The following PCDHGA8 variants were observed in gnomAD, a reference collection of about 807,000 sequenced individuals.
PCDHGA8 encodes protocadherin gamma-A8.
PCDHGA8 carries 45 observed loss-of-function variants against 59.2 expected under a neutral mutation model. That is an observed-to-expected ratio of 0.76 (90% CI 0.60 to 0.98). PCDHGA8 has a LOEUF of 0.98. Among genes scored for constraint, PCDHGA8 ranks in the 50% least tolerant of loss-of-function variants. The pLI is 0.00. For missense variants in PCDHGA8, 1,257 were observed against 1,196.2 expected, an observed-to-expected ratio of 1.05 and a Z score of -0.75; for synonymous variants, 531 against 519.0, an observed-to-expected ratio of 1.02 and a Z score of -0.32.
In PCDHGA8 at chr5:141,489,456, G is replaced by A. The variant is rs1468723020; in HGVS notation, c.2425-5351G>A. The A allele has an allele frequency of 1.2e-6, 2 of 1,614,050 alleles. No homozygotes were observed. Among genetic ancestry groups the A allele is most frequent in the Non-Finnish European group, 1.7e-6 (2 of 1,180,016 alleles). ...TGCAATTGGGCTCTGAGGAGAATGG[G>A]CGCTATTTTTCCCTGAGCTTGATGA... On this transcript the variant is annotated intron_variant, in intron 1 of 3. Transcript: ENST00000398604. This position sits in a 1 kb window ranked among gnomAD's most constrained non-coding sequence, Gnocchi z 4.5.
At position 141,421,915 on chromosome 5, in the gene PCDHGA8, C is replaced by T. The variant is rs751221129; in HGVS notation, c.2424+26678C>T. ...CATCCGAAAGGGCGCAGTTCCCATT[C>T]GTGTGGTGGTCCTCGATGTAAATGA... is the stretch of plus-strand genomic sequence containing the variant. On this transcript the variant is annotated intron_variant, in intron 1 of 3. Transcript: ENST00000398604. 18 of 1,613,504 alleles carry T rather than the reference C, an allele frequency of 1.1e-5. No individual in the cohort carries two copies. The South Asian group carries it at 1.5e-4, about 14-fold the overall frequency.
At chr5:141,498,919 C>A (rs897611505) in intron 2 of PCDHGA8, among the ~76,000 whole-genome samples, 1 of 122,240 alleles carries the variant, frequency 8.2e-6, no homozygotes. Context: ...GGTGACAGAG[C>A]GAGACTCCAT....
At chr5:141,406,025 G>A (rs1367856742) in intron 1 of PCDHGA8, among the ~76,000 whole-genome samples, 1 of 151,502 alleles carries the variant, frequency 6.6e-6, no homozygotes, top group Non-Finnish European at 1.5e-5. Flanking sequence ...TTTTGGGTAG[G>A]GTTGCTTCAT....
At chr5:141,398,850 A>G in intron 1 of PCDHGA8, 20 of 1,613,982 alleles carry the variant, frequency 1.2e-5, no homozygotes, top group Non-Finnish European at 1.6e-5. Flanking sequence ...ATCCCCCGGT[A>G]TTCAACCGAG....
At position 141,432,025 on chromosome 5, in the gene PCDHGA8, G is replaced by C. The variant is rs768627576; in HGVS notation, c.2424+36788G>C. 2 of 1,614,158 alleles carry C rather than the reference G, an allele frequency of 1.2e-6. No homozygotes were observed. The highest frequency in any genetic ancestry group is 3.3e-4 in the Middle Eastern group (2 of 6,062). ...AGGTTCCTAGCTACAACATCACAGTGACCGCCACTGACCGGGGAACCCCGC... is the reference window on the plus strand; with the variant it reads ...AGGTTCCTAGCTACAACATCACAGTCACCGCCACTGACCGGGGAACCCCGC... On this transcript the variant is annotated intron_variant, in intron 1 of 3. Transcript: ENST00000398604. The surrounding 1 kb of genome is among the most constrained non-coding windows in gnomAD (Gnocchi z 6.0).
intron 1 of PCDHGA8, among the ~76,000 whole-genome samples, chr5:141,482,048 G>A (rs375214441): frequency 1.3e-5 from 2 of 150,044 alleles, no homozygotes; most frequent in Non-Finnish European, 2.9e-5. Flanking sequence ...TCATGCTGTT[G>A]CATTCCAGCC....
intron 1 of PCDHGA8, among the ~76,000 whole-genome samples, chr5:141,492,670 C>T (rs567661944): frequency 6.6e-6 from 1 of 152,344 alleles, no homozygotes; most frequent in South Asian, 2.1e-4. Context: ...CCCGGGACTC[C>T]GTCTCAAGGG....
At chr5:141,474,115 G>A (rs1404490690) in intron 1 of PCDHGA8, among the ~76,000 whole-genome samples, 2 of 152,062 alleles carry the variant, frequency 1.3e-5, no homozygotes, top group South Asian at 2.1e-4. Context: ...CAACAACAAC[G>A]AAAATCTCAG....
Position 141,490,318 on chromosome 5 carries a change from C to T in PCDHGA8, c.2425-4489C>T. ...ATTGGCCTCTTTGGCCAACCCTGTCCTAGAGAGCACACCAGTGGGCACAGT... is the reference window on the plus strand; with the variant it reads ...ATTGGCCTCTTTGGCCAACCCTGTCTTAGAGAGCACACCAGTGGGCACAGT... On this transcript the variant is annotated intron_variant, in intron 1 of 3. Transcript: ENST00000398604. The surrounding 1 kb of genome is among the most constrained non-coding windows in gnomAD (Gnocchi z 5.4). 1 of 1,614,220 alleles carries T rather than the reference C, an allele frequency of 6.2e-7. No homozygotes were observed.
At position 141,487,681 on chromosome 5, in the gene PCDHGA8, T is replaced by C. The variant is rs754032560; in HGVS notation, c.2425-7126T>C. The stretch of plus-strand genomic sequence containing the variant: ...CTGATCCAGGCATATGGCTAGGCCA[T>C]GTCCTAGAGAGTACTGGCCTCTCAG... On this transcript the variant is annotated intron_variant, in intron 1 of 3. Coordinates refer to ENST00000398604, the MANE Select transcript of PCDHGA8 (RefSeq NM_032088.2). The surrounding 1 kb of genome is among the most constrained non-coding windows in gnomAD (Gnocchi z 5.0). 1.1e-5 allele frequency: 18 copies of C among 1,608,852 alleles called. No individual in the cohort carries two copies. The highest frequency in any genetic ancestry group is 4.5e-5 in the East Asian group (2 of 44,816).
At position 141,392,751 on chromosome 5, in the gene PCDHGA8, A is replaced by T; in HGVS notation, c.-63A>T. 6.9e-7 allele frequency: 1 copy of T among 1,453,336 alleles called. No homozygotes were observed. The highest frequency in any genetic ancestry group is 1.5e-5 in the South Asian group (1 of 67,982). 90.0% of individuals were successfully genotyped at this position (1,453,336 alleles called of 1,614,324 possible). On this transcript the variant is annotated 5_prime_UTR_variant, in exon 1 of 4. Coordinates refer to ENST00000398604, the MANE Select transcript of PCDHGA8 (RefSeq NM_032088.2). The stretch of plus-strand genomic sequence containing the variant: ...TTGTCATCTCCATAGCTGCGGCAAG[A>T]AACTAAATAAGACCCATTTATGCAC...
chr5:141,421,901 G>C (rs754277661), intron 1 of PCDHGA8: 1 of 1,613,724 alleles, frequency 6.2e-7, no homozygotes, highest in East Asian at 2.2e-5. Flanking sequence ...ATCCGAAAGG[G>C]CGCAGTTCCC....
rs72790032 is a variant in PCDHGA8 at position 141,393,544 on chromosome 5, A to G, written c.731A>G (p.His244Arg). Residue 244 changes from histidine to arginine, a missense_variant, in exon 1 of 4, where the codon CAC (histidine) becomes CGC (arginine). By Grantham distance (29) the His-to-Arg change is conservative. Coordinates refer to ENST00000398604, the MANE Select transcript of PCDHGA8 (RefSeq NM_032088.2). ...DTNDNAPVFP[H>R]PIYRVKVLEN... ...AATGACAATGCCCCGGTTTTTCCTC[A>G]CCCGATTTACCGAGTGAAAGTCCTT... 18,579 of 1,613,800 alleles carry G rather than the reference A, an allele frequency of 0.012. 149 individuals carry two copies. The highest frequency in any genetic ancestry group is 0.014 in the Non-Finnish European group (16,983 of 1,179,880).
Position 141,457,874 on chromosome 5 carries a change from G to A in PCDHGA8, c.2425-36933G>A, listed in dbSNP as rs1592531610. Among the ~76,000 whole-genome samples, 7 of 152,320 alleles carry A rather than the reference G, an allele frequency of 4.6e-5. No homozygotes were observed. In the South Asian group the frequency reaches 1.5e-3, roughly 32 times the overall value. On this transcript the variant is annotated intron_variant, in intron 1 of 3. Transcript: ENST00000398604. ...ACATTCTTCACTGACCACAGGTTAGGAACCCTGTGTGGGGACTGTGTAGAC... is the reference window on the plus strand; with the variant it reads ...ACATTCTTCACTGACCACAGGTTAGAAACCCTGTGTGGGGACTGTGTAGAC...
rs73280920 is a variant in PCDHGA8 at position 141,453,809 on chromosome 5, A to G, written c.2425-40998A>G. Among the ~76,000 whole-genome samples, 1,254 of 152,338 alleles carry G rather than the reference A, an allele frequency of 8.2e-3. 17 individuals carry two copies. Among genetic ancestry groups the G allele is most frequent in the African/African-American group, 0.029 (1,191 of 41,572 alleles). On this transcript the variant is annotated intron_variant, in intron 1 of 3. Coordinates refer to ENST00000398604, the MANE Select transcript of PCDHGA8 (RefSeq NM_032088.2). ...GTATATTAACTTTGAGTAGTTCCATAAAGGACAAACTTGGCTGCTAGCCCT... is the reference window on the plus strand; with the variant it reads ...GTATATTAACTTTGAGTAGTTCCATGAAGGACAAACTTGGCTGCTAGCCCT...
Position 141,393,857 on chromosome 5 carries a change from C to G in PCDHGA8, c.1044C>G (p.Ile348Met), listed in dbSNP as rs753457502. 11 of 1,613,978 alleles carry G rather than the reference C, an allele frequency of 6.8e-6. No homozygotes were observed. The highest frequency in any genetic ancestry group is 9.3e-6 in the Non-Finnish European group (11 of 1,179,884). Residue 348 changes from isoleucine (I) to methionine (M), a missense_variant, in exon 1 of 4, where the codon ATC becomes ATG. Coordinates refer to ENST00000398604, the MANE Select transcript of PCDHGA8 (RefSeq NM_032088.2). The part of the protein sequence containing the change: ...EDVNDNRPEV[I>M]ITSLFSPVLE... The stretch of plus-strand genomic sequence containing the variant: ...TAAATGACAATAGACCAGAAGTGAT[C>G]ATTACGTCTTTGTTTAGCCCAGTGT...
chr5:141,396,870 A>G (rs536206475), intron 1 of PCDHGA8, among the ~76,000 whole-genome samples: 3 of 152,328 alleles, frequency 2.0e-5, no homozygotes, highest in African/African-American at 7.2e-5. Flanking sequence ...TACCATTTGG[A>G]TGCACATTTG....
chr5:141,429,048 G>A (rs2097180589), intron 1 of PCDHGA8: 5 of 152,064 alleles, frequency 3.3e-5, no homozygotes, highest in Admixed American at 3.3e-4. Context: ...TACAGACGGG[G>A]TTTCACCGTG....
At chr5:141,420,558 C>T (rs1373350109) in intron 1 of PCDHGA8, 1 of 248,240 alleles carries the variant, frequency 4.0e-6, no homozygotes, top group Non-Finnish European at 7.5e-6. Flanking sequence ...TATATTTTTA[C>T]GGCATGGTAT....
Sources: gnomAD v4.1 joint callset for allele counts (sites outside exome capture counted in the v4.1 genomes callset) on GRCh38, gnomAD v4.1.1 for gene constraint, Gnocchi (gnomAD v3.1) non-coding constraint, MANE v1.5 for transcripts, NCBI Gene and HGNC (gene_info 2026-07-23, HGNC 2026-07-21) for gene names.